Variants in MID1 observed in about 807,000 individuals in gnomAD.
MID1 encodes midline 1.
A neutral mutation model predicts 40.4 loss-of-function variants in MID1; 7 were observed. The ratio of observed to expected loss-of-function variants is 0.17; its 90% CI spans 0.10 to 0.33. The LOEUF (loss-of-function observed/expected upper bound fraction) is 0.33. MID1 is among the 10% of genes least tolerant of loss of function. The probability of loss-of-function intolerance (pLI) is 1.00; values close to 1 mark genes in which losing one functional copy is unlikely to be tolerated. For synonymous variants in MID1, 229 were observed against 221.2 expected (o/e 1.04, Z -0.31); for missense variants, 367 against 558.5 (o/e 0.66, Z 3.46).
At chrX:10,589,380 C>T (rs923305581) in intron 1 of MID1, among the ~76,000 whole-genome samples, 1 of 110,941 alleles carries the variant, frequency 9.0e-6, no homozygotes, top group Non-Finnish European at 1.9e-5. Flanking sequence ...AAACCAAAAC[C>T]AACACCAAAG....
chrX:10,735,950 T>C (rs1270714121), intron 1 of MID1, among the ~76,000 whole-genome samples: 3 of 111,987 alleles, frequency 2.7e-5, no homozygotes, highest in Non-Finnish European at 5.6e-5. Flanking sequence ...ATTTATAATT[T>C]TGAAGGTACA....
intron 2 of MID1, among the ~76,000 whole-genome samples, chrX:10,527,995 G>A (rs953985891): frequency 2.7e-5 from 3 of 111,573 alleles, no homozygotes; most frequent in Non-Finnish European, 5.6e-5. Context: ...CCATTTTTGC[G>A]TATGCCTTTC....
At chrX:10,789,436 G>C (rs1045864227) in intron 1 of MID1, among the ~76,000 whole-genome samples, 2 of 111,823 alleles carry the variant, frequency 1.8e-5, no homozygotes, top group Admixed American at 1.9e-4. Flanking sequence ...GCCCTTTACA[G>C]GTGTACCATT....
At chrX:10,815,247 C>A (rs61389017) in intron 1 of MID1, among the ~76,000 whole-genome samples, 3,657 of 111,699 alleles carry the variant, frequency 0.033, 160 homozygotes, top group African/African-American at 0.11. Flanking sequence ...ATAGACATAG[C>A]AACTCTACAC....
At chrX:10,649,102 TG>T (rs1466962235) in intron 1 of MID1, among the ~76,000 whole-genome samples, 1 of 111,853 alleles carries the variant, frequency 8.9e-6, no homozygotes. Flanking sequence ...AAAATAAGTA[TG>T]GGGAAATGGC....
At chrX:10,636,895 T>TGA (rs1299919587) in intron 1 of MID1, among the ~76,000 whole-genome samples, 10 of 101,265 alleles carry the variant, frequency 9.9e-5, no homozygotes, top group African/African-American at 3.3e-4. Context: ...GCTGTGTGTG[T>TGA]GTGTGTGTGT....
chrX:10,621,819 C>T (rs763394526), upstream of MID1, among the ~76,000 whole-genome samples: 1 of 108,476 alleles, frequency 9.2e-6, no homozygotes, highest in South Asian at 4.2e-4. Flanking sequence ...GAGAGCCCTT[C>T]ATATGATGGA....
At position 10,809,193 on chromosome X, in the gene MID1, G is replaced by A. The variant is rs773468695; in HGVS notation, c.-187+24361C>T. On this transcript the variant is annotated intron_variant, in intron 1 of 10. Coordinates refer to the MID1 transcript ENST00000380785. ...CATGAAAAAATGCTCATCATCACTGGCCATCAGAGAAATGCAAATCAAAAC... is the reference window on the plus strand; with the variant it reads ...CATGAAAAAATGCTCATCATCACTGACCATCAGAGAAATGCAAATCAAAAC... Among the ~76,000 whole-genome samples, 30 of 111,850 alleles carry A rather than the reference G, an allele frequency of 2.7e-4. 2 individuals carry two copies. In the East Asian group the frequency reaches 7.6e-3, roughly 28 times the overall value.
chrX:10,672,949 G>A (rs1156442993), intron 1 of MID1, among the ~76,000 whole-genome samples: 3 of 111,065 alleles, frequency 2.7e-5, no homozygotes, highest in Non-Finnish European at 3.8e-5. Flanking sequence ...GCCTCCCAAT[G>A]TGCTGGGATT....
chrX:10,613,696 A>AATATATATATAT (rs1177605401), intron 1 of MID1, among the ~76,000 whole-genome samples: 9 of 16,851 alleles, frequency 5.3e-4, no homozygotes, highest in African/African-American at 1.2e-3. Context: ...AACTGAAAGG[A>AATATATATATAT]ATATATATAT....
intron 1 of MID1, among the ~76,000 whole-genome samples, chrX:10,588,813 G>C (rs917005435): frequency 9.0e-6 from 1 of 111,129 alleles, no homozygotes; most frequent in African/African-American, 3.3e-5. Context: ...GGGTGCCTTG[G>C]CTTACAGGCT....
chrX:10,684,700 C>T (rs1341783781), intron 1 of MID1, among the ~76,000 whole-genome samples: 2 of 111,024 alleles, frequency 1.8e-5, no homozygotes, highest in Non-Finnish European at 3.8e-5. Context: ...TGAGCCACCG[C>T]GCCCGGCCAA....
chrX:10,497,675 T>C (rs1255397566), intron 3 of MID1, among the ~76,000 whole-genome samples: 7 of 111,842 alleles, frequency 6.3e-5, no homozygotes, highest in South Asian at 7.5e-4. Context: ...ATTACAATAG[T>C]CCTGAATAAA....
intron 1 of MID1, among the ~76,000 whole-genome samples, chrX:10,626,018 G>A (rs1385446119): frequency 1.8e-5 from 2 of 111,002 alleles, no homozygotes; most frequent in African/African-American, 6.6e-5. Flanking sequence ...TGATACTATA[G>A]GTAACATTTG....
intron 1 of MID1, among the ~76,000 whole-genome samples, chrX:10,641,197 A>C (rs1478981115): frequency 8.9e-6 from 1 of 111,868 alleles, no homozygotes; most frequent in Admixed American, 9.5e-5. Context: ...ATAGAGACAC[A>C]AAAAAACTCT....
At chrX:10,534,819 T>C (rs1043135399) in intron 2 of MID1, among the ~76,000 whole-genome samples, 3 of 112,586 alleles carry the variant, frequency 2.7e-5, no homozygotes, top group Non-Finnish European at 5.6e-5. Flanking sequence ...AAAATCAATA[T>C]TATGTAAGAG....
intron 2 of MID1, among the ~76,000 whole-genome samples, chrX:10,556,841 G>C (rs995588246): frequency 1.8e-5 from 2 of 112,223 alleles, no homozygotes; most frequent in Non-Finnish European, 3.8e-5. Context: ...ATTTGTATCA[G>C]ATTTTTCCAG....
intron 1 of MID1, among the ~76,000 whole-genome samples, chrX:10,739,411 G>T (rs1206785706): frequency 3.6e-5 from 4 of 111,840 alleles, no homozygotes; most frequent in African/African-American, 1.3e-4. Flanking sequence ...TTTAAAATAG[G>T]CCTATGTGTA....
intron 1 of MID1, among the ~76,000 whole-genome samples, chrX:10,631,466 T>G (rs949973278): frequency 8.1e-5 from 9 of 111,460 alleles, no homozygotes; most frequent in African/African-American, 2.9e-4. Context: ...AGATACTAGT[T>G]TGTGCACTCA....
Sources: allele counts gnomAD v4.1 joint callset (sites outside exome capture counted in the v4.1 genomes callset), GRCh38; gene constraint gnomAD v4.1.1; transcripts MANE v1.5; gene names NCBI Gene and HGNC (gene_info 2026-07-23, HGNC 2026-07-21).